CPNE4: variants seen among roughly 807,000 people sequenced by gnomAD.
CPNE4 encodes the protein copine-4.
A neutral mutation model predicts 67.9 loss-of-function variants in CPNE4; 25 were observed. The ratio of observed to expected loss-of-function variants is 0.37; its 90% CI spans 0.27 to 0.51. The LOEUF is 0.51. Ranked by LOEUF, CPNE4 falls within the 20% of genes least tolerant of loss-of-function variation. CPNE4 has a pLI of 0.93. For synonymous variants in CPNE4, 242 were observed against 244.9 expected (o/e 0.99, Z 0.11); for missense variants, 464 against 690.8 (o/e 0.67, Z 3.68).
intron 7 of CPNE4, among the ~76,000 whole-genome samples, chr3:131,615,730 A>C (rs923639189): frequency 1.9e-4 from 29 of 152,136 alleles, no homozygotes; most frequent in African/African-American, 6.8e-4. Flanking sequence ...TTTACTGGGC[A>C]GTCTAGGCTT....
intron 14 of CPNE4, among the ~76,000 whole-genome samples, chr3:131,544,948 A>C (rs1357256624): frequency 6.6e-6 from 1 of 152,212 alleles, no homozygotes; most frequent in Non-Finnish European, 1.5e-5. Flanking sequence ...TTAAGAAATA[A>C]AACAACCTGA....
chr3:131,831,516 A>C (rs2085367569), intron 2 of CPNE4, among the ~76,000 whole-genome samples: 1 of 152,196 alleles, frequency 6.6e-6, no homozygotes, highest in Admixed American at 6.6e-5. Flanking sequence ...AAACTAAAAA[A>C]TTTATTAAAT....
intron 2 of CPNE4, among the ~76,000 whole-genome samples, chr3:131,790,121 C>A (rs1015709424): frequency 9.9e-5 from 15 of 152,096 alleles, no homozygotes; most frequent in Admixed American, 3.3e-4. Context: ...GGCAGCCTGG[C>A]AGTATAATGC....
At chr3:131,860,548 C>G (rs895090192) in intron 2 of CPNE4, among the ~76,000 whole-genome samples, 2 of 152,146 alleles carry the variant, frequency 1.3e-5, no homozygotes, top group Non-Finnish European at 2.9e-5. Flanking sequence ...TTGAAGCTCT[C>G]CACACATTTT....
chr3:132,009,329 T>C (rs376374553), intron 1 of CPNE4, among the ~76,000 whole-genome samples: 1 of 152,336 alleles, frequency 6.6e-6, no homozygotes, highest in East Asian at 1.9e-4. Flanking sequence ...GGTCCTGTTC[T>C]GTAAGCCTCC....
intron 11 of CPNE4, among the ~76,000 whole-genome samples, chr3:131,561,149 G>A (rs1296933040): frequency 6.6e-6 from 1 of 152,008 alleles, no homozygotes; most frequent in Admixed American, 6.6e-5. Flanking sequence ...TCCAGGAAAT[G>A]TACACATTCA....
intron 2 of CPNE4, among the ~76,000 whole-genome samples, chr3:131,727,321 G>T (rs534359894): frequency 6.6e-6 from 1 of 151,986 alleles, no homozygotes; most frequent in Non-Finnish European, 1.5e-5. Flanking sequence ...ACGGCCAGGC[G>T]CAGTGGCTCA....
At chr3:131,898,841 G>GT (rs1560563187) in intron 2 of CPNE4, among the ~76,000 whole-genome samples, 1 of 151,558 alleles carries the variant, frequency 6.6e-6, no homozygotes, top group Non-Finnish European at 1.5e-5. Flanking sequence ...TTTCTTTTTT[G>GT]TTTTTTTAAA....
At chr3:131,955,810 C>T (rs560012698) in intron 1 of CPNE4, among the ~76,000 whole-genome samples, 164 of 152,262 alleles carry the variant, frequency 1.1e-3, no homozygotes, top group Middle Eastern at 3.4e-3. Flanking sequence ...AACACAATCG[C>T]TGTACATCTT....
intron 2 of CPNE4, among the ~76,000 whole-genome samples, chr3:131,892,252 T>A (rs1034812665): frequency 3.3e-5 from 5 of 152,106 alleles, no homozygotes; most frequent in Admixed American, 1.3e-4. Flanking sequence ...TTGCCACCAA[T>A]GTGGAAGCCA....
chr3:131,688,318 T>C (rs2080944980), intron 5 of CPNE4, among the ~76,000 whole-genome samples: 1 of 152,164 alleles, frequency 6.6e-6, no homozygotes, highest in Admixed American at 6.5e-5. Flanking sequence ...AGCCTTCATC[T>C]TGTCAAGACC....
At chr3:131,741,391 C>T (rs2082352983) in intron 2 of CPNE4, among the ~76,000 whole-genome samples, 1 of 151,922 alleles carries the variant, frequency 6.6e-6, no homozygotes, top group African/African-American at 2.4e-5. Context: ...TGAGAATGTG[C>T]TGGGAAAGGA....
intron 2 of CPNE4, among the ~76,000 whole-genome samples, chr3:131,766,533 T>C (rs1198988867): frequency 4.6e-5 from 7 of 152,066 alleles, no homozygotes; most frequent in Non-Finnish European, 7.4e-5. Context: ...TTGAAGTCAC[T>C]GAACTCAGAA....
intron 7 of CPNE4, among the ~76,000 whole-genome samples, chr3:131,638,322 A>C (rs2107790228): frequency 6.6e-6 from 1 of 152,290 alleles, no homozygotes; most frequent in East Asian, 1.9e-4. Context: ...GGACTCACAT[A>C]AACTTAAGGT....
At chr3:131,676,998 C>T (rs2080591666) in intron 6 of CPNE4, among the ~76,000 whole-genome samples, 1 of 151,832 alleles carries the variant, frequency 6.6e-6, no homozygotes, top group South Asian at 2.1e-4. Context: ...CTCCCACCAA[C>T]AGTGTAAAAG....
At chr3:131,663,910 A>G (rs2080193690) in intron 7 of CPNE4, among the ~76,000 whole-genome samples, 1 of 152,074 alleles carries the variant, frequency 6.6e-6, no homozygotes, top group African/African-American at 2.4e-5. Context: ...CCTTTACTGC[A>G]CCATGGGCTC....
At chr3:131,862,430 T>G (rs12629059) in intron 2 of CPNE4, among the ~76,000 whole-genome samples, 11,608 of 152,150 alleles carry the variant, frequency 0.076, 572 homozygotes, top group East Asian at 0.17. Flanking sequence ...ATCTTCTATT[T>G]TCAAAATATC....
intron 2 of CPNE4, among the ~76,000 whole-genome samples, chr3:131,883,719 T>C (rs1489447678): frequency 6.7e-6 from 1 of 149,240 alleles, no homozygotes; most frequent in Non-Finnish European, 1.5e-5. Context: ...TTCTTTATTA[T>C]TGTGGTAAGA....
chr3:131,560,694 G>A (rs1936714132), intron 11 of CPNE4, among the ~76,000 whole-genome samples: 1 of 152,050 alleles, frequency 6.6e-6, no homozygotes, highest in Non-Finnish European at 1.5e-5. Flanking sequence ...CTTCCCGTGA[G>A]GTGTTTGGGG....
Sources: allele counts gnomAD v4.1 joint callset (sites outside exome capture counted in the v4.1 genomes callset), GRCh38; gene constraint gnomAD v4.1.1; transcripts MANE v1.5; gene names NCBI Gene and HGNC (gene_info 2026-07-23, HGNC 2026-07-21).